WWP1: variants seen among roughly 807,000 people sequenced by gnomAD.
WWP1 encodes the protein WW domain containing E3 ubiquitin protein ligase 1, also known as NEDD4-like E3 ubiquitin-protein ligase WWP1.
A neutral mutation model predicts 130.6 loss-of-function variants in WWP1; 49 were observed. The ratio of observed to expected loss-of-function variants is 0.38; its 90% confidence interval spans 0.30 to 0.48. WWP1 has a LOEUF of 0.48. WWP1 is among the 20% of genes least tolerant of loss of function. The pLI is 0.99. For synonymous variants in WWP1, 332 were observed against 367.8 expected (o/e 0.90, Z 1.11); for missense variants, 809 against 1,100.6 (o/e 0.74, Z 3.75).
intron 8 of WWP1, among the ~76,000 whole-genome samples, chr8:86,407,182 A>AT (rs1339077570): frequency 6.6e-6 from 1 of 151,992 alleles, no homozygotes; most frequent in Non-Finnish European, 1.5e-5. Context: ...TAAGATTTTA[A>AT]TTTTTTGCCC....
chr8:86,407,892 T>C (rs1450162228), intron 8 of WWP1, among the ~76,000 whole-genome samples: 1 of 152,192 alleles, frequency 6.6e-6, no homozygotes, highest in Non-Finnish European at 1.5e-5. Flanking sequence ...AATAATACAT[T>C]GTTATTAACT....
At chr8:86,387,664 TACCATGCACC>T (rs1825365681) in intron 5 of WWP1, among the ~76,000 whole-genome samples, 1 of 151,992 alleles carries the variant, frequency 6.6e-6, no homozygotes, top group Non-Finnish European at 1.5e-5. Context: ...AGACGTGTGC[TACCATGCACC>T]ACCATGTGCG....
intron 9 of WWP1, among the ~76,000 whole-genome samples, chr8:86,424,187 C>T (rs1487367240): frequency 2.7e-5 from 4 of 149,868 alleles, no homozygotes; most frequent in Non-Finnish European, 4.4e-5. Context: ...TCGGCAGAGG[C>T]GCTCCTCACA....
At chr8:86,393,890 G>T (rs1247534720) in intron 5 of WWP1, among the ~76,000 whole-genome samples, 1 of 152,164 alleles carries the variant, frequency 6.6e-6, no homozygotes, top group Non-Finnish European at 1.5e-5. Flanking sequence ...CAAACTCTGA[G>T]ACTTAGTCAT....
At chr8:86,462,619 C>G (rs975060492) in intron 24 of WWP1, among the ~76,000 whole-genome samples, 1 of 152,136 alleles carries the variant, frequency 6.6e-6, no homozygotes, top group African/African-American at 2.4e-5. Context: ...GATTTGGATG[C>G]AAGGGTGAAT....
At chr8:86,418,424 G>A (rs1161735999) in intron 9 of WWP1, among the ~76,000 whole-genome samples, 1 of 152,072 alleles carries the variant, frequency 6.6e-6, no homozygotes, top group Non-Finnish European at 1.5e-5. Flanking sequence ...GCATTAGCTG[G>A]GTGCTTCTAC....
Position 86,402,094 on chromosome 8 carries a change from G to C in WWP1, c.615G>C (p.Ser205=). ...TSTLVQNSCC[S]YVVNGDNTPS... is the part of the protein sequence containing the mutation. ...CTCTAGTCCAAAACTCATGCTGCTCGTATGTAGTTAATGGAGACAACACAC... is the reference window on the plus strand; with the variant it reads ...CTCTAGTCCAAAACTCATGCTGCTCCTATGTAGTTAATGGAGACAACACAC... Residue 205 remains serine (S), a synonymous_variant, in exon 8 of 25, where the codon TCG becomes TCC. Transcript: ENST00000517970. 6.2e-7 allele frequency: 1 copy of C among 1,613,640 alleles called. No individual in the cohort carries two copies. Among genetic ancestry groups the C allele is most frequent in the Non-Finnish European group, 8.5e-7 (1 of 1,179,766 alleles).
chr8:86,419,827 A>G (rs899093907), intron 9 of WWP1, among the ~76,000 whole-genome samples: 2 of 152,196 alleles, frequency 1.3e-5, no homozygotes, highest in African/African-American at 4.8e-5. Flanking sequence ...AATTCTAAAT[A>G]TTTTCAGCGA....
intron 1 of WWP1, among the ~76,000 whole-genome samples, chr8:86,349,201 T>C (rs1175371760): frequency 6.6e-6 from 1 of 152,098 alleles, no homozygotes; most frequent in Non-Finnish European, 1.5e-5. Context: ...TTTGTATTAG[T>C]AGAGATGGGG....
At chr8:86,457,469 A>C (rs1382948455) in intron 21 of WWP1, among the ~76,000 whole-genome samples, 17 of 151,892 alleles carry the variant, frequency 1.1e-4, no homozygotes, top group Admixed American at 1.1e-3. Context: ...ATATAAATCT[A>C]TATATATAGA....
intron 1 of WWP1, among the ~76,000 whole-genome samples, chr8:86,368,151 G>A (rs1396322860): frequency 6.6e-6 from 1 of 152,072 alleles, no homozygotes; most frequent in African/African-American, 2.4e-5. Flanking sequence ...TTTACTTCGT[G>A]TCATATACTC....
At position 86,438,684 on chromosome 8, in the gene WWP1, A is replaced by G. The variant is rs1480263137; in HGVS notation, c.1838+11A>G. 2 of 1,586,012 alleles carry G rather than the reference A, an allele frequency of 1.3e-6. No individual in the cohort carries two copies. The highest frequency in any genetic ancestry group is 1.7e-6 in the Non-Finnish European group (2 of 1,167,054). On this transcript the variant is annotated intron_variant, in intron 17 of 24. Transcript: ENST00000517970. The stretch of plus-strand genomic sequence containing the variant: ...TGGTGGCCTAGCGAGGTAAAATAAA[A>G]AACACATATCTGCCTTGAAATAAGT...
chr8:86,423,882 G>A (rs1161060409), intron 9 of WWP1, among the ~76,000 whole-genome samples: 10 of 146,498 alleles, frequency 6.8e-5, no homozygotes, highest in African/African-American at 1.0e-4. Context: ...CGGACGGGGC[G>A]GCTGGCCGGG....
At chr8:86,365,787 C>T (rs572281464) in intron 1 of WWP1, among the ~76,000 whole-genome samples, 4 of 152,074 alleles carry the variant, frequency 2.6e-5, no homozygotes, top group Non-Finnish European at 5.9e-5. Context: ...AATAGTGAGA[C>T]CCTGTCTCTA....
intron 17 of WWP1, 134 bp from the exon 18 acceptor site, chr8:86,442,485 G>A: frequency 1.3e-6 from 1 of 794,260 alleles, no homozygotes; most frequent in Non-Finnish European, 1.8e-6. Flanking sequence ...CTTGGATAGA[G>A]GGCCAAAGAA....
rs143350413 is a variant in WWP1 at position 86,427,736 on chromosome 8, C to G, written c.1251C>G (p.Val417=). Residue 417 remains valine, a synonymous_variant, in exon 11 of 25, where the codon GTC becomes GTG. Transcript: ENST00000517970. ...TTWQRPTMES[V]RNFEQWQSQR... is the part of the protein sequence containing the mutation. Reference sequence around the variant, plus strand: ...GGCAGCGGCCTACCATGGAATCTGTCCGAAATTTTGAACAGTGGCAATCTC... The same window carrying G: ...GGCAGCGGCCTACCATGGAATCTGTGCGAAATTTTGAACAGTGGCAATCTC... 1,717 of 1,613,994 alleles carry G rather than the reference C, an allele frequency of 1.1e-3. 12 individuals carry two copies. Among genetic ancestry groups the G allele is most frequent in the Middle Eastern group, 2.3e-3 (14 of 6,060 alleles).
At chr8:86,371,269 T>C (rs1225568535) in intron 2 of WWP1, among the ~76,000 whole-genome samples, 1 of 152,186 alleles carries the variant, frequency 6.6e-6, no homozygotes. Flanking sequence ...ACCATTTTTC[T>C]ACCAATGGAC....
intron 1 of WWP1, among the ~76,000 whole-genome samples, chr8:86,359,926 G>C (rs1823479762): frequency 6.6e-6 from 1 of 152,000 alleles, no homozygotes; most frequent in East Asian, 1.9e-4. Context: ...GCGGGCGCCT[G>C]TAGTCCCAGC....
chr8:86,419,162 G>C (rs1809056282), intron 9 of WWP1, among the ~76,000 whole-genome samples: 1 of 152,188 alleles, frequency 6.6e-6, no homozygotes, highest in African/African-American at 2.4e-5. Flanking sequence ...GCTCCCGTCT[G>C]TAATCCCAGC....
Sources: gnomAD v4.1 joint callset for allele counts (sites outside exome capture counted in the v4.1 genomes callset) on GRCh38, gnomAD v4.1.1 for gene constraint, MANE v1.5 for transcripts, NCBI Gene and HGNC (gene_info 2026-07-23, HGNC 2026-07-21) for gene names.